FAM227B: variants seen among roughly 807,000 people sequenced by gnomAD.
FAM227B encodes the protein protein FAM227B.
A neutral mutation model predicts 73.8 loss-of-function variants in FAM227B; 88 were observed. That is an observed-to-expected ratio of 1.19 (90% CI 1.00 to 1.42). FAM227B has a LOEUF of 1.42. Ranked by LOEUF, FAM227B falls within the 40% of genes most tolerant of loss-of-function variation. The pLI is 0.00. For missense variants in FAM227B, 632 were observed against 590.9 expected, an observed-to-expected ratio of 1.07 and a Z score of -0.72; for synonymous variants, 210 against 190.5, an observed-to-expected ratio of 1.10 and a Z score of -0.84.
chr15:49,377,456 T>C (rs1043589767), intron 11 of FAM227B, among the ~76,000 whole-genome samples: 1 of 152,166 alleles, frequency 6.6e-6, no homozygotes, highest in Non-Finnish European at 1.5e-5. Context: ...TTTTCCATAG[T>C]GGCTGTACTA....
chr15:49,440,599 G>T (rs1198457468), intron 11 of FAM227B, among the ~76,000 whole-genome samples: 1 of 151,706 alleles, frequency 6.6e-6, no homozygotes, highest in Non-Finnish European at 1.5e-5. Flanking sequence ...TTATTAAACA[G>T]ATGGGAGAAT....
chr15:49,453,276 A>AT, intron 11 of FAM227B, among the ~76,000 whole-genome samples: 1 of 152,052 alleles, frequency 6.6e-6, no homozygotes, highest in African/African-American at 2.4e-5. Context: ...CATTATTATT[A>AT]TTTTTTATTT....
chr15:49,482,472 C>CT (rs2056039419), intron 11 of FAM227B, among the ~76,000 whole-genome samples: 2 of 151,868 alleles, frequency 1.3e-5, no homozygotes, highest in Admixed American at 6.6e-5. Context: ...TTAAAACAAT[C>CT]TTTTTTTTAA....
chr15:49,534,570 A>AG (rs2152242238), intron 10 of FAM227B, among the ~76,000 whole-genome samples: 1 of 14,172 alleles, frequency 7.1e-5, no homozygotes, highest in Admixed American at 1.2e-3. Context: ...TTAAGAAGAC[A>AG]AGATTAATAA....
At chr15:49,602,142 T>C (rs931055486) in intron 3 of FAM227B, among the ~76,000 whole-genome samples, 1 of 152,210 alleles carries the variant, frequency 6.6e-6, no homozygotes, top group Non-Finnish European at 1.5e-5. Context: ...TGATTTTTTT[T>C]CTCTGGGGTA....
At chr15:49,479,599 GTTTTTTTTTTTTTTT>G (rs56097665) in intron 11 of FAM227B, among the ~76,000 whole-genome samples, 5 of 63,294 alleles carry the variant, frequency 7.9e-5, no homozygotes, top group Non-Finnish European at 8.5e-5. Flanking sequence ...TAATACCTCT[GTTTTTTTTTTTTTTT>G]TTTTTTTTTT....
At chr15:49,415,347 A>G (rs2049141077) in intron 11 of FAM227B, among the ~76,000 whole-genome samples, 1 of 152,174 alleles carries the variant, frequency 6.6e-6, no homozygotes, top group Non-Finnish European at 1.5e-5. Context: ...TCTCTCTGTG[A>G]GAACATTTTT....
intron 11 of FAM227B, among the ~76,000 whole-genome samples, chr15:49,399,529 A>C (rs1314564490): frequency 6.8e-6 from 1 of 147,076 alleles, no homozygotes; most frequent in Non-Finnish European, 1.5e-5. Context: ...TACCAAAGCC[A>C]GGCAGAGACA....
chr15:49,357,411 C>T (rs1171976847), intron 13 of FAM227B, among the ~76,000 whole-genome samples: 17 of 149,926 alleles, frequency 1.1e-4, no homozygotes, highest in East Asian at 9.8e-4. Context: ...ATATCACCAC[C>T]GATCCCACAG....
At chr15:49,530,619 T>C (rs1200184852) in intron 10 of FAM227B, among the ~76,000 whole-genome samples, 1 of 151,814 alleles carries the variant, frequency 6.6e-6, no homozygotes, top group Non-Finnish European at 1.5e-5. Context: ...AATGAAAGGC[T>C]AGAAAAAATT....
intron 11 of FAM227B, chr15:49,487,459 C>T (rs957710933): frequency 3.3e-5 from 5 of 151,774 alleles, no homozygotes; most frequent in Non-Finnish European, 5.9e-5. Context: ...TATAAATTGT[C>T]AGCCTTTGAG....
At chr15:49,414,514 A>G (rs1719586951) in intron 11 of FAM227B, among the ~76,000 whole-genome samples, 2 of 152,176 alleles carry the variant, frequency 1.3e-5, no homozygotes, top group Admixed American at 1.3e-4. Context: ...TATTGGAAAA[A>G]GAAAAGTAGA....
chr15:49,370,163 A>G (rs1360055668), intron 12 of FAM227B, among the ~76,000 whole-genome samples: 1 of 152,220 alleles, frequency 6.6e-6, no homozygotes, highest in Non-Finnish European at 1.5e-5. Context: ...TACCCAGTCC[A>G]TGGTATTTTG....
At chr15:49,525,611 C>A (rs1411139556) in intron 10 of FAM227B, among the ~76,000 whole-genome samples, 3 of 129,488 alleles carry the variant, frequency 2.3e-5, no homozygotes, top group African/African-American at 8.2e-5. Context: ...CTGCCTATAA[C>A]AGACCCATCA....
chr15:49,425,542 T>A lies in FAM227B; in HGVS notation c.1013-54143A>T, dbSNP rs529262628. The A allele has an allele frequency of 3.9e-5, 6 of 152,100 alleles. No homozygotes were observed. The East Asian group carries it at 1.2e-3, about 29-fold the overall frequency. 9.4% of individuals were successfully genotyped at this position (152,100 alleles called of 1,614,324 possible). A position where few individuals can be genotyped will look rare whatever the true frequency, so the allele number is the denominator to read the frequency against. ...ATTGTTATTAATATATAATTTCATA[T>A]TAATTGTTTTAAAGTCATTTGAAAA... is the stretch of plus-strand genomic sequence containing the variant. On this transcript the variant is annotated intron_variant, in intron 11 of 15. Transcript: ENST00000299338.
intron 9 of FAM227B, among the ~76,000 whole-genome samples, chr15:49,545,468 T>A (rs1056097558): frequency 6.6e-6 from 1 of 152,184 alleles, no homozygotes; most frequent in African/African-American, 2.4e-5. Flanking sequence ...TTGTCTTTTA[T>A]AGTTTTTTGT....
chr15:49,506,754 T>C (rs554067112), intron 11 of FAM227B, among the ~76,000 whole-genome samples: 1 of 152,192 alleles, frequency 6.6e-6, no homozygotes, highest in Non-Finnish European at 1.5e-5. Flanking sequence ...AGAAAATTTT[T>C]AATTAAGTGA....
chr15:49,580,818 C>G (rs906512288), intron 5 of FAM227B, among the ~76,000 whole-genome samples: 1 of 152,068 alleles, frequency 6.6e-6, no homozygotes, highest in Non-Finnish European at 1.5e-5. Flanking sequence ...CTGAAAAACA[C>G]GCTAAAAGTA....
intron 8 of FAM227B, among the ~76,000 whole-genome samples, chr15:49,570,007 A>G (rs2074976511): frequency 6.6e-6 from 1 of 151,974 alleles, no homozygotes; most frequent in African/African-American, 2.4e-5. Flanking sequence ...CACATTATCC[A>G]TTCATTCGTT....
Sources: gnomAD v4.1 joint callset for allele counts (sites outside exome capture counted in the v4.1 genomes callset) on GRCh38, gnomAD v4.1.1 for gene constraint, MANE v1.5 for transcripts, NCBI Gene and HGNC (gene_info 2026-07-23, HGNC 2026-07-21) for gene names.